The following CDH20 variants were observed in gnomAD, a reference collection of about 807,000 sequenced individuals.
The protein encoded by CDH20 is cadherin 20, also known as cadherin-20.
A neutral mutation model predicts 74.2 loss-of-function variants in CDH20; 29 were observed. The ratio of observed to expected loss-of-function variants is 0.39; its 90% CI spans 0.29 to 0.53. The LOEUF is 0.53. Among genes scored for constraint, CDH20 ranks in the 20% least tolerant of loss-of-function variants. CDH20 has a pLI of 0.69. For missense variants in CDH20, 988 were observed against 1,048.3 expected, an observed-to-expected ratio of 0.94 and a Z score of 0.79; for synonymous variants, 469 against 405.4, an observed-to-expected ratio of 1.16 and a Z score of -1.88.
intron 7 of CDH20, among the ~76,000 whole-genome samples, chr18:61,534,612 T>C (rs571342002): frequency 9.2e-5 from 14 of 152,350 alleles, no homozygotes; most frequent in Non-Finnish European, 1.9e-4. Flanking sequence ...TGGATGAATC[T>C]AGACGACATT....
Position 61,505,815 on chromosome 18 carries a change from C to T in CDH20, c.830-1558C>T, listed in dbSNP as rs1028155949. On this transcript the variant is annotated intron_variant, in intron 5 of 11. Transcript: ENST00000262717. ...TCTCTATGCATTCTACACACGTTAT[C>T]GCTGCTTCCTCTTTTTTGACCTTTT... 5.3e-5 allele frequency among the ~76,000 whole-genome samples: 8 copies of T among 152,158 alleles called. No homozygotes were observed. In the East Asian group the frequency reaches 9.6e-4, roughly 18 times the overall value.
intron 6 of CDH20, among the ~76,000 whole-genome samples, chr18:61,508,390 T>G (rs1911655703): frequency 6.6e-6 from 1 of 152,162 alleles, no homozygotes; most frequent in African/African-American, 2.4e-5. Context: ...TAAAGTAGTT[T>G]ATTAGAAGGT....
At chr18:61,356,660 G>A (rs1330373089) in intron 1 of CDH20, among the ~76,000 whole-genome samples, 1 of 152,106 alleles carries the variant, frequency 6.6e-6, no homozygotes, top group African/African-American at 2.4e-5. Flanking sequence ...TAACTTCCTT[G>A]TTTTTCATTA....
chr18:61,391,745 T>C (rs1342628094), intron 1 of CDH20: 2 of 146,472 alleles, frequency 1.4e-5, no homozygotes, highest in African/African-American at 5.1e-5. Context: ...GAACTTAAAA[T>C]GAAAAAAAAA....
At chr18:61,530,138 A>ATT (rs1912589656) in intron 7 of CDH20, among the ~76,000 whole-genome samples, 1 of 152,220 alleles carries the variant, frequency 6.6e-6, no homozygotes, top group Non-Finnish European at 1.5e-5. Context: ...CTCCCTCTGC[A>ATT]TTTTGGTTAC....
chr18:61,539,629 G>A (rs139390860), intron 9 of CDH20, among the ~76,000 whole-genome samples: 1,692 of 152,214 alleles, frequency 0.011, 33 homozygotes, highest in African/African-American at 0.038. Context: ...AGGAAGACCA[G>A]GAAAAGGAGG....
At chr18:61,412,571 C>T (rs530367996) in intron 1 of CDH20, among the ~76,000 whole-genome samples, 155 of 152,246 alleles carry the variant, frequency 1.0e-3, no homozygotes, top group African/African-American at 3.5e-3. Context: ...AATAGTCCAA[C>T]AACCCATCTG....
intron 1 of CDH20, among the ~76,000 whole-genome samples, chr18:61,450,941 C>T (rs1376174913): frequency 1.3e-5 from 2 of 152,096 alleles, no homozygotes; most frequent in African/African-American, 2.4e-5. Context: ...AAGCCTCCTC[C>T]TTATACATCT....
At chr18:61,530,204 T>C (rs17811149) in intron 7 of CDH20, among the ~76,000 whole-genome samples, 10,700 of 152,198 alleles carry the variant, frequency 0.07, 511 homozygotes, top group Non-Finnish European at 0.11. Context: ...CTTTGTACTA[T>C]CCAATAGCAA....
chr18:61,451,453 C>A (rs1408694370), intron 1 of CDH20, among the ~76,000 whole-genome samples: 1 of 152,040 alleles, frequency 6.6e-6, no homozygotes, highest in Non-Finnish European at 1.5e-5. Context: ...TGGTGTACTG[C>A]CCTGCATCTC....
At position 61,536,473 on chromosome 18, in the gene CDH20, C is replaced by A. The variant is rs200251931; in HGVS notation, c.1272-20C>A. On this transcript the variant is annotated intron_variant, in intron 7 of 11. Transcript: ENST00000262717. ...TGCTTACCCAAATGCAAATGATGTACGTAATCCATGTTTCTGCAGATACTC... is the reference window on the plus strand; with the variant it reads ...TGCTTACCCAAATGCAAATGATGTAAGTAATCCATGTTTCTGCAGATACTC... The A allele has an allele frequency of 1.2e-6, 2 of 1,610,730 alleles. No individual in the cohort carries two copies. Among genetic ancestry groups the A allele is most frequent in the South Asian group, 2.2e-5 (2 of 90,886 alleles).
chr18:61,442,274 C>T (rs911879572), intron 1 of CDH20, among the ~76,000 whole-genome samples: 13 of 151,330 alleles, frequency 8.6e-5, no homozygotes, highest in Admixed American at 7.3e-4. Context: ...TCTCTTGAAC[C>T]TAGGAGCTCA....
chr18:61,474,138 T>C (rs1220816109), intron 1 of CDH20, among the ~76,000 whole-genome samples: 4 of 152,190 alleles, frequency 2.6e-5, no homozygotes, highest in Non-Finnish European at 5.9e-5. Context: ...CTGCAGTCTC[T>C]TGTCCCTATC....
intron 1 of CDH20, among the ~76,000 whole-genome samples, chr18:61,420,396 C>A (rs568927153): frequency 6.7e-6 from 1 of 149,962 alleles, no homozygotes; most frequent in East Asian, 2.0e-4. Context: ...TTTGAGTGAC[C>A]TCCGTGGGCC....
intron 2 of CDH20, 123 bp downstream of exon 2, chr18:61,490,922 C>T (rs1910938980): frequency 1.0e-6 from 1 of 996,928 alleles, no homozygotes; most frequent in Non-Finnish European, 1.5e-6. Flanking sequence ...TGGTACGTTA[C>T]TTGACACCTA....
Position 61,353,061 on chromosome 18 carries a change from C to G in CDH20, c.-153+19234C>G, listed in dbSNP as rs1405306124. On this transcript the variant is annotated intron_variant, in intron 1 of 11. Coordinates refer to ENST00000262717, the MANE Select transcript of CDH20 (RefSeq NM_031891.4). The surrounding 1 kb of genome is among the most constrained non-coding windows in gnomAD (Gnocchi z 4.6). ...TTCTCTAGCAACCTTCACATGCTGT[C>G]CATAGCTTCTATTTTATGGCTACCC... Among the ~76,000 whole-genome samples the G allele has an allele frequency of 6.6e-6, 1 of 152,194 alleles. No individual in the cohort carries two copies. The highest frequency in any genetic ancestry group is 1.5e-5 in the Non-Finnish European group (1 of 68,040).
chr18:61,527,872 C>T, intron 6 of CDH20, 95 bp from the exon 7 acceptor site: 3 of 1,160,644 alleles, frequency 2.6e-6, no homozygotes, highest in African/African-American at 3.0e-5. Context: ...AGAATCTTCC[C>T]ACCAGCCATC....
intron 10 of CDH20, 178 bp from the exon 11 acceptor site, chr18:61,549,800 A>G (rs1017568973): frequency 7.8e-6 from 5 of 637,782 alleles, no homozygotes; most frequent in African/African-American, 7.3e-5. Context: ...GCAAGCAAAA[A>G]GCATGGTTTC....
At chr18:61,387,446 C>G (rs1911638376) in intron 1 of CDH20, among the ~76,000 whole-genome samples, 1 of 152,162 alleles carries the variant, frequency 6.6e-6, no homozygotes, top group Non-Finnish European at 1.5e-5. Context: ...ACTGTGAGAA[C>G]CTACAGGAGC....
Sources: allele counts gnomAD v4.1 joint callset (sites outside exome capture counted in the v4.1 genomes callset), GRCh38; gene constraint gnomAD v4.1.1; non-coding constraint Gnocchi (gnomAD v3.1); transcripts MANE v1.5; gene names NCBI Gene and HGNC (gene_info 2026-07-23, HGNC 2026-07-21).